OXCT1: variants seen among roughly 807,000 people sequenced by gnomAD.
OXCT1 encodes succinyl-CoA:3-ketoacid coenzyme A transferase 1, mitochondrial.
OXCT1 carries 27 observed loss-of-function variants against 69.6 expected under a neutral mutation model. That is an observed-to-expected ratio of 0.39 (90% CI 0.29 to 0.54). OXCT1 has a LOEUF of 0.54. Among genes scored for constraint, OXCT1 ranks in the 20% least tolerant of loss-of-function variants. The pLI, the probability that OXCT1 is intolerant of heterozygous loss-of-function variation, is 0.72. For synonymous variants in OXCT1, 202 were observed against 217.8 expected, an observed-to-expected ratio of 0.93 and a Z score of 0.64; for missense variants, 437 against 650.2, an observed-to-expected ratio of 0.67 and a Z score of 3.57.
chr5:41,774,200 G>A (rs765066136), intron 13 of OXCT1, among the ~76,000 whole-genome samples: 59 of 152,148 alleles, frequency 3.9e-4, no homozygotes, highest in Non-Finnish European at 3.8e-4. Flanking sequence ...CCTTGAGACC[G>A]TTATTCAGTA....
intron 14 of OXCT1, among the ~76,000 whole-genome samples, chr5:41,753,454 C>G (rs754259300): frequency 1.3e-5 from 2 of 152,122 alleles, no homozygotes; most frequent in African/African-American, 4.8e-5. Flanking sequence ...AGCCTTTCAG[C>G]TTTTGTTCAT....
intron 13 of OXCT1, among the ~76,000 whole-genome samples, chr5:41,767,720 G>GTATATA (rs751695010): frequency 0.015 from 1,183 of 78,126 alleles, 15 homozygotes; most frequent in African/African-American, 0.063. Context: ...ATATATGTGT[G>GTATATA]TGTATATATA....
chr5:41,828,193 C>T (rs893549750), intron 7 of OXCT1, among the ~76,000 whole-genome samples: 5 of 152,120 alleles, frequency 3.3e-5, no homozygotes, highest in African/African-American at 9.7e-5. Flanking sequence ...CTGCAACCTC[C>T]GCCTCCCAGG....
At chr5:41,847,002 G>T (rs1243622463) in intron 5 of OXCT1, among the ~76,000 whole-genome samples, 1 of 151,806 alleles carries the variant, frequency 6.6e-6, no homozygotes, top group Non-Finnish European at 1.5e-5. Context: ...ATTTGTTTTT[G>T]AAAGGATCAA....
At chr5:41,839,240 A>G (rs1748515244) in intron 7 of OXCT1, among the ~76,000 whole-genome samples, 1 of 152,162 alleles carries the variant, frequency 6.6e-6, no homozygotes. Flanking sequence ...TAACAGGAAA[A>G]ATTTTAAAGA....
intron 16 of OXCT1, among the ~76,000 whole-genome samples, chr5:41,738,814 C>T (rs570365627): frequency 7.9e-5 from 12 of 152,250 alleles, no homozygotes; most frequent in African/African-American, 2.2e-4. Flanking sequence ...GTTTCTTAAA[C>T]GGATACTCCC....
intron 5 of OXCT1, among the ~76,000 whole-genome samples, chr5:41,846,108 T>TTATG (rs1000223442): frequency 6.6e-6 from 1 of 151,822 alleles, no homozygotes; most frequent in Non-Finnish European, 1.5e-5. Flanking sequence ...CTTTATTTAT[T>TTATG]TATGTATGTA....
intron 13 of OXCT1, among the ~76,000 whole-genome samples, chr5:41,779,218 T>A (rs1745279716): frequency 6.6e-6 from 1 of 152,182 alleles, no homozygotes; most frequent in African/African-American, 2.4e-5. Flanking sequence ...AATGTGTAAA[T>A]CCACAGCTTA....
At chr5:41,743,473 C>T (rs1743297723) in intron 15 of OXCT1, among the ~76,000 whole-genome samples, 1 of 152,142 alleles carries the variant, frequency 6.6e-6, no homozygotes, top group South Asian at 2.1e-4. Context: ...TGCAGAAACT[C>T]TTTAGTTTAA....
chr5:41,803,177 A>G lies in OXCT1; in HGVS notation c.956-14T>C. 6.5e-7 allele frequency: 1 copy of G among 1,536,198 alleles called. No homozygotes were observed. The highest frequency in any genetic ancestry group is 9.0e-7 in the Non-Finnish European group (1 of 1,109,590). ...TGCCCAAATTAGCTGGAAAAAAAAG[A>G]TGTTAAGGTCCAGCATATAAAAGGT... On this transcript the variant is annotated splice_polypyrimidine_tract_variant and intron_variant, in intron 9 of 16. Coordinates refer to ENST00000196371, the MANE Select transcript of OXCT1 (RefSeq NM_000436.4).
chr5:41,749,920 T>A (rs1231644954), intron 14 of OXCT1, among the ~76,000 whole-genome samples: 3 of 152,080 alleles, frequency 2.0e-5, no homozygotes, highest in African/African-American at 7.2e-5. Flanking sequence ...ATCCTGATTA[T>A]TTTTCCCTTC....
intron 13 of OXCT1, among the ~76,000 whole-genome samples, chr5:41,772,268 C>A (rs1313993685): frequency 6.6e-6 from 1 of 151,846 alleles, no homozygotes; most frequent in African/African-American, 2.4e-5. Context: ...CTTGCTCCAT[C>A]ACCTCCTCCC....
intron 13 of OXCT1, among the ~76,000 whole-genome samples, chr5:41,773,869 A>G (rs571058332): frequency 6.6e-6 from 1 of 152,258 alleles, no homozygotes; most frequent in African/African-American, 2.4e-5. Flanking sequence ...GTGTGAAAAA[A>G]CAGTGTTTTA....
At chr5:41,840,103 T>A (rs984903451) in intron 7 of OXCT1, among the ~76,000 whole-genome samples, 9 of 152,246 alleles carry the variant, frequency 5.9e-5, no homozygotes, top group Admixed American at 5.2e-4. Flanking sequence ...ATCATGAACT[T>A]CTTCTGACAC....
At chr5:41,775,204 C>T (rs995789849) in intron 13 of OXCT1, among the ~76,000 whole-genome samples, 20 of 152,070 alleles carry the variant, frequency 1.3e-4, no homozygotes, top group African/African-American at 4.8e-4. Flanking sequence ...GCACAGGACC[C>T]ACAAGTTAAG....
At chr5:41,835,320 C>A (rs1267409407) in intron 7 of OXCT1, among the ~76,000 whole-genome samples, 1 of 152,148 alleles carries the variant, frequency 6.6e-6, no homozygotes, top group East Asian at 1.9e-4. Flanking sequence ...AATATATACA[C>A]CTACTATGTA....
intron 1 of OXCT1, among the ~76,000 whole-genome samples, chr5:41,866,024 C>G (rs920539585): frequency 2.2e-5 from 2 of 91,696 alleles, no homozygotes; most frequent in Non-Finnish European, 3.7e-5. Flanking sequence ...TACAGTAGAC[C>G]CCCCCCCCCA....
chr5:41,834,020 A>G (rs1748229200), intron 7 of OXCT1, among the ~76,000 whole-genome samples: 1 of 151,974 alleles, frequency 6.6e-6, no homozygotes, highest in African/African-American at 2.4e-5. Flanking sequence ...AAAAAAAAAA[A>G]GCATAGAGTT....
intron 7 of OXCT1, among the ~76,000 whole-genome samples, chr5:41,823,599 C>T (rs951540715): frequency 5.3e-5 from 8 of 152,164 alleles, no homozygotes; most frequent in African/African-American, 1.9e-4. Flanking sequence ...AATCCTCTGA[C>T]GGATCTAAGA....
Sources: allele counts gnomAD v4.1 joint callset (sites outside exome capture counted in the v4.1 genomes callset), GRCh38; gene constraint gnomAD v4.1.1; transcripts MANE v1.5; gene names NCBI Gene and HGNC (gene_info 2026-07-23, HGNC 2026-07-21).